The following SCNN1A variants were observed in gnomAD, a reference collection of about 807,000 sequenced individuals.
SCNN1A encodes the protein sodium channel epithelial 1 subunit alpha.
Under a neutral mutation model 68.6 loss-of-function variants are expected in SCNN1A, and 65 were observed. The observed-to-expected ratio is 0.95, with a 90% CI of 0.78 to 1.16. The LOEUF (loss-of-function observed/expected upper bound fraction) is 1.16. SCNN1A is among the 50% of genes most tolerant of loss of function. The probability of loss-of-function intolerance (pLI) is 0.00; values close to 1 mark genes in which losing one functional copy is unlikely to be tolerated. For missense variants in SCNN1A, 880 were observed against 865.9 expected (o/e 1.02, Z -0.20); for synonymous variants, 357 against 353.3 (o/e 1.01, Z -0.12).
At chr12:6,355,479 A>G (rs1215942568) in intron 5 of SCNN1A, 44 bp from the exon 6 acceptor site, 1 of 1,603,386 alleles carries the variant, frequency 6.2e-7, no homozygotes, top group African/African-American at 1.3e-5. Context: ...CGGGAATCCT[A>G]GAAAAGAGTT....
At position 6,347,850 on chromosome 12, in the gene SCNN1A, T is replaced by C; in HGVS notation, c.*23A>G. The stretch of plus-strand genomic sequence containing the variant: ...CCCACCAGAGGAGCATCTGCCTTGG[T>C]GTGAGAAACCTCTCCTTCCCTCTCA... On this transcript the variant is annotated 3_prime_UTR_variant, in exon 13 of 13. Coordinates refer to ENST00000228916, the MANE Select transcript of SCNN1A (RefSeq NM_001038.6). 1 of 1,589,304 alleles carries C rather than the reference T, an allele frequency of 6.3e-7. No individual in the cohort carries two copies. The highest frequency in any genetic ancestry group is 1.1e-5 in the South Asian group (1 of 88,712).
chr12:6,366,087 T>C (rs1051437627), intron 2 of SCNN1A, among the ~76,000 whole-genome samples: 5 of 152,068 alleles, frequency 3.3e-5, no homozygotes, highest in Non-Finnish European at 7.4e-5. Flanking sequence ...ATCTCCTGAC[T>C]TCGTGATCCG....
rs74654913 is a variant in SCNN1A at position 6,358,402 on chromosome 12, C to G, written c.876-2522G>C. On this transcript the variant is annotated intron_variant, in intron 4 of 12. Transcript: ENST00000228916. ...CAAAATGTTAAATATAGAGTTACCACATGACCCAGCAGTTCCACTCATAGG... is the reference window on the plus strand; with the variant it reads ...CAAAATGTTAAATATAGAGTTACCAGATGACCCAGCAGTTCCACTCATAGG... Among the ~76,000 whole-genome samples the G allele has an allele frequency of 2.7e-3, 412 of 152,298 alleles. 16 individuals carry two copies. In the East Asian group the frequency reaches 0.07, roughly 26 times the overall value.
At chr12:6,355,562 C>G (rs62619934) in intron 5 of SCNN1A, 127 bp from the exon 6 acceptor site, 4 of 1,209,076 alleles carry the variant, frequency 3.3e-6, no homozygotes, top group South Asian at 1.3e-5. Flanking sequence ...CAGGAAGACC[C>G]GCAAAGGGAC....
intron 8 of SCNN1A, among the ~76,000 whole-genome samples, chr12:6,354,074 C>A (rs1039600473): frequency 2.6e-5 from 4 of 150,966 alleles, no homozygotes; most frequent in African/African-American, 9.7e-5. Context: ...ACTAAAAATA[C>A]CAAAAAATTA....
rs72657545 is a variant in SCNN1A, at chr12:6,348,664, C to T, written c.1629+63G>A. ...ACAGAGACAACCTTTTGGTTTTCCC[C>T]GACAGCCGCCCTGCTAAGTAAGACC... On this transcript the variant is annotated intron_variant, in intron 12 of 12. Coordinates refer to ENST00000228916, the MANE Select transcript of SCNN1A (RefSeq NM_001038.6). 16,312 of 1,439,520 alleles carry T rather than the reference C, an allele frequency of 0.011. 1,338 individuals carry two copies. The African/African-American group carries it at 0.19, about 17-fold the overall frequency. The allele number at this position is 1,439,520 out of a possible 1,614,324, so 89.2% of individuals were successfully genotyped here. A position where few individuals can be genotyped will look rare whatever the true frequency, so the allele number is the denominator to read the frequency against.
At chr12:6,348,859 T>G in intron 11 of SCNN1A, 57 bp from the exon 12 acceptor site, 1 of 1,603,420 alleles carries the variant, frequency 6.2e-7, no homozygotes, top group Non-Finnish European at 8.5e-7. Context: ...TCCTGGACCT[T>G]CCTCTAATCA....
chr12:6,359,261 T>C (rs1365960772), intron 4 of SCNN1A, among the ~76,000 whole-genome samples: 3 of 152,100 alleles, frequency 2.0e-5, no homozygotes, highest in South Asian at 2.1e-4. Context: ...TATATCTCAA[T>C]AAAAGTGTTA....
intron 4 of SCNN1A, among the ~76,000 whole-genome samples, chr12:6,360,715 G>A (rs551584943): frequency 7.9e-5 from 12 of 152,322 alleles, no homozygotes; most frequent in African/African-American, 2.6e-4. Context: ...CAGGGAGATG[G>A]CTCCGGAAAA....
At chr12:6,362,563 G>T (rs116359146) in intron 3 of SCNN1A, among the ~76,000 whole-genome samples, 419 of 152,218 alleles carry the variant, frequency 2.8e-3, no homozygotes, top group African/African-American at 9.7e-3. Flanking sequence ...AAGACTGAGG[G>T]ATCAAGAGAT....
chr12:6,375,478 G>A, intron 1 of SCNN1A, 27 bp downstream of exon 1: 4 of 1,535,612 alleles, frequency 2.6e-6, no homozygotes, highest in Non-Finnish European at 3.5e-6. Flanking sequence ...AGTTGAATCT[G>A]GCAGCCAAAC....
In SCNN1A at chr12:6,351,661, C is replaced by T. The variant is rs1013392483; in HGVS notation, c.1361-2256G>A. On this transcript the variant is annotated intron_variant, in intron 8 of 12. Transcript: ENST00000228916. This position sits in a 1 kb window ranked among gnomAD's most constrained non-coding sequence, Gnocchi z 4.2. ...AAAAAAAAAAAAGATTCAGAATAGGCAAATCCATAGAGAGAGAAAGAAAGA... is the reference window on the plus strand; with the variant it reads ...AAAAAAAAAAAAGATTCAGAATAGGTAAATCCATAGAGAGAGAAAGAAAGA... Among the ~76,000 whole-genome samples the T allele has an allele frequency of 2.6e-5, 4 of 151,306 alleles. No homozygotes were observed. The highest frequency in any genetic ancestry group is 4.4e-5 in the Non-Finnish European group (3 of 67,920).
intron 4 of SCNN1A, among the ~76,000 whole-genome samples, chr12:6,360,783 C>T (rs547030418): frequency 6.6e-6 from 1 of 151,886 alleles, no homozygotes; most frequent in South Asian, 2.1e-4. Context: ...AGAAGGGGAC[C>T]CCCCCCTCGC....
rs892447026 is a variant in SCNN1A, at chr12:6,356,219, A to T, written c.876-339T>A. 12 of 384,094 alleles carry T rather than the reference A, an allele frequency of 3.1e-5. No individual in the cohort carries two copies. In the Admixed American group the frequency reaches 4.5e-4, roughly 14 times the overall value. The allele number at this position is 384,094 out of a possible 1,614,324, so 23.8% of individuals were successfully genotyped here. On this transcript the variant is annotated intron_variant, in intron 4 of 12. Coordinates refer to ENST00000228916, the MANE Select transcript of SCNN1A (RefSeq NM_001038.6). Reference sequence around the variant, plus strand: ...AGGCCATCTGGGTTCACCGGCATTGACTTCCGTGCTGCCTTGTAACTTCTC... The same window carrying T: ...AGGCCATCTGGGTTCACCGGCATTGTCTTCCGTGCTGCCTTGTAACTTCTC...
chr12:6,348,981 G>C lies in SCNN1A; in HGVS notation c.1522C>G (p.Arg508Gly), dbSNP rs137852634. ...SQEWVFQMLS[R>G]QNNYTVNNKR... Reference sequence around the variant, plus strand: ...TTGTTGACGGTGTAATTGTTCTGTCGCGATAGCATCTGGAAGACCCATTCC... The same window carrying C: ...TTGTTGACGGTGTAATTGTTCTGTCCCGATAGCATCTGGAAGACCCATTCC... Residue 508 changes from arginine to glycine, a missense_variant, in exon 11 of 13, where the codon CGA becomes GGA. Physicochemically the swap from Arg to Gly is moderately radical, Grantham distance 125. Coordinates refer to ENST00000228916, the MANE Select transcript of SCNN1A (RefSeq NM_001038.6). 2.5e-6 allele frequency: 4 copies of C among 1,613,858 alleles called. No individual in the cohort carries two copies. The highest frequency in any genetic ancestry group is 3.3e-5 in the Admixed American group (2 of 59,988).
chr12:6,375,070 A>G (rs1948879131), intron 1 of SCNN1A: 2 of 1,528,974 alleles, frequency 1.3e-6, no homozygotes, highest in African/African-American at 1.4e-5. Context: ...GGGCTTCCCT[A>G]GAACGGCCTC....
At chr12:6,369,446 A>C (rs7302949) in intron 2 of SCNN1A, among the ~76,000 whole-genome samples, 11,670 of 151,438 alleles carry the variant, frequency 0.077, 1,386 homozygotes, top group African/African-American at 0.26. Context: ...CACACACACA[A>C]ACCTGTGACA....
upstream of SCNN1A, among the ~76,000 whole-genome samples, chr12:6,376,611 TC>T (rs558927174): frequency 1.6e-4 from 25 of 152,196 alleles, no homozygotes; most frequent in Non-Finnish European, 3.2e-4. Flanking sequence ...AAAATCTCTT[TC>T]CAAACTTAAT....
rs761243273 is a variant in SCNN1A, at chr12:6,355,349, G to A, written c.1066C>T (p.Gln356Ter). 1 of 1,613,966 alleles carries A rather than the reference G, an allele frequency of 6.2e-7. No homozygotes were observed. Among genetic ancestry groups the A allele is most frequent in the South Asian group, 1.1e-5 (1 of 91,016 alleles). The change falls in exon 6 of 13, where the codon CAG becomes TAG. Residue 356 changes from glutamine to a stop codon, truncating the protein, a stop_gained. Coordinates refer to ENST00000228916, the MANE Select transcript of SCNN1A (RefSeq NM_001038.6). LOFTEE classifies it high-confidence loss of function. ...TCATCCATAAAGGCAGGTTCATCCT[G>A]CCCGTGCACCATTACCCGGGCCCCA... is the stretch of plus-strand genomic sequence containing the variant. Reference protein sequence around the residue: ...VTGARVMVHGQDEPAFMDDGG... With the variant: ...VTGARVMVHG
Sources: allele counts gnomAD v4.1 joint callset (sites outside exome capture counted in the v4.1 genomes callset), GRCh38; gene constraint gnomAD v4.1.1; non-coding constraint Gnocchi (gnomAD v3.1); transcripts MANE v1.5; gene names NCBI Gene and HGNC (gene_info 2026-07-23, HGNC 2026-07-21).